The following MAPT variants were observed in gnomAD, a reference collection of about 807,000 sequenced individuals.
MAPT encodes the protein microtubule-associated protein tau.
A neutral mutation model predicts 67.9 loss-of-function variants in MAPT; 34 were observed. The observed-to-expected ratio is 0.50, with a 90% CI of 0.38 to 0.67. The LOEUF (loss-of-function observed/expected upper bound fraction) is 0.67, where lower values mean the gene tolerates loss of function less well. MAPT is among the 30% of genes least tolerant of loss of function. MAPT has a pLI of 0.00. For synonymous variants in MAPT, 456 were observed against 464.5 expected (o/e 0.98, Z 0.23); for missense variants, 881 against 1,115.2 (o/e 0.79, Z 2.99).
intron 9 of MAPT, among the ~76,000 whole-genome samples, chr17:45,998,169 T>C (rs62063855): frequency 0.15 from 22,054 of 152,076 alleles, 2,143 homozygotes; most frequent in Non-Finnish European, 0.22. Context: ...ATCACTTGGG[T>C]CTGAGCCTGG....
intron 9 of MAPT, among the ~76,000 whole-genome samples, chr17:45,998,994 A>G (rs1169167184): frequency 6.6e-6 from 1 of 152,082 alleles, no homozygotes; most frequent in Non-Finnish European, 1.5e-5. Context: ...CAAGTCACAT[A>G]ACAAGCAGCA....
chr17:46,011,558 G>A (rs1464352575), intron 10 of MAPT, among the ~76,000 whole-genome samples: 2 of 152,092 alleles, frequency 1.3e-5, no homozygotes, highest in African/African-American at 4.8e-5. Context: ...TCATCCCCTG[G>A]CCGGTCTATG....
intron 1 of MAPT, among the ~76,000 whole-genome samples, chr17:45,941,733 T>TCCTGCCTTCCTTCCTGCCTG (rs1568208436): frequency 1.7e-5 from 1 of 59,856 alleles, no homozygotes; most frequent in Non-Finnish European, 4.6e-5. Flanking sequence ...CTTCCTTCCT[T>TCCTGCCTTCCTTCCTGCCTG]CCTTCCTTCC....
intron 1 of MAPT, among the ~76,000 whole-genome samples, chr17:45,923,554 C>G (rs2065966628): frequency 6.6e-6 from 1 of 152,250 alleles, no homozygotes; most frequent in African/African-American, 2.4e-5. Context: ...CAGATTCTTT[C>G]ACGTTAATGT....
At chr17:45,983,988 G>A in intron 5 of MAPT, 58 bp downstream of exon 5, 1 of 1,426,490 alleles carries the variant, frequency 7.0e-7, no homozygotes, top group Non-Finnish European at 9.5e-7. Flanking sequence ...CTCCCAGGCT[G>A]CGGGCACTGC....
intron 1 of MAPT, among the ~76,000 whole-genome samples, chr17:45,912,847 T>G (rs1459030316): frequency 6.6e-6 from 1 of 152,232 alleles, no homozygotes; most frequent in Non-Finnish European, 1.5e-5. Flanking sequence ...AAGAGGCTTT[T>G]GAAATTTGCA....
chr17:45,926,907 G>A (rs951388141), intron 1 of MAPT, among the ~76,000 whole-genome samples: 3 of 149,084 alleles, frequency 2.0e-5, no homozygotes, highest in Non-Finnish European at 4.4e-5. Context: ...GTGTGTGTAT[G>A]TATGTGTGTA....
chr17:46,014,882 C>CAAAAAAAAAAAAAAAAAAAAAA (rs1254513618), intron 11 of MAPT, among the ~76,000 whole-genome samples: 1 of 127,500 alleles, frequency 7.8e-6, no homozygotes, highest in Non-Finnish European at 1.7e-5. Flanking sequence ...GACTCCGTCT[C>CAAAAAAAAAAAAAAAAAAAAAA]AAAAAAAAAA....
intron 1 of MAPT, among the ~76,000 whole-genome samples, chr17:45,900,731 C>G (rs1274301752): frequency 6.6e-6 from 1 of 152,198 alleles, no homozygotes; most frequent in Admixed American, 6.5e-5. Context: ...GAGGTAGGCT[C>G]TGATCGGGCC....
At chr17:45,936,605 C>T (rs555482431) in intron 1 of MAPT, among the ~76,000 whole-genome samples, 171 of 151,698 alleles carry the variant, frequency 1.1e-3, no homozygotes, top group Middle Eastern at 6.8e-3. Context: ...TTTTTTTGTT[C>T]GTTAATAATA....
intron 1 of MAPT, among the ~76,000 whole-genome samples, chr17:45,941,822 G>A (rs987767407): frequency 3.3e-5 from 5 of 151,200 alleles, no homozygotes; most frequent in Admixed American, 2.0e-4. Context: ...TCTTTCTGTT[G>A]GATAATGGAC....
At position 46,027,156 on chromosome 17, in the gene MAPT, G is replaced by C; in HGVS notation, c.*2985G>C. On this transcript the variant is annotated 3_prime_UTR_variant, in exon 13 of 13. Transcript: ENST00000262410. ...AACAGTTTCGGCTGCATTTCTTCAC[G>C]CACCTCGGTTCCTCTTCCTGAAGTT... 1 of 152,374 alleles carries C rather than the reference G, an allele frequency of 6.6e-6. No homozygotes were observed. The highest frequency in any genetic ancestry group is 6.5e-5 in the Admixed American group (1 of 15,296). The allele number at this position is 152,374 out of a possible 1,614,324, so 9.4% of individuals were successfully genotyped here. A position where few individuals can be genotyped will look rare whatever the true frequency, so the allele number is the denominator to read the frequency against.
intron 1 of MAPT, among the ~76,000 whole-genome samples, chr17:45,948,197 G>C (rs1197720929): frequency 6.6e-6 from 1 of 152,052 alleles, no homozygotes; most frequent in East Asian, 1.9e-4. Flanking sequence ...GTAGAGACAG[G>C]GTTTCTCAAT....
chr17:45,998,745 C>T (rs1436845357), intron 9 of MAPT, among the ~76,000 whole-genome samples: 1 of 152,134 alleles, frequency 6.6e-6, no homozygotes, highest in Non-Finnish European at 1.5e-5. Context: ...TCCTGCGCTT[C>T]CACTGGGGAC....
At chr17:46,002,816 T>C (rs2075116122) in intron 9 of MAPT, among the ~76,000 whole-genome samples, 1 of 152,180 alleles carries the variant, frequency 6.6e-6, no homozygotes, top group Non-Finnish European at 1.5e-5. Flanking sequence ...AGAGTCTTGC[T>C]GGGTTGCCCA....
chr17:45,937,930 A>AC (rs1228160665), intron 1 of MAPT, among the ~76,000 whole-genome samples: 5 of 151,416 alleles, frequency 3.3e-5, no homozygotes, highest in African/African-American at 1.2e-4. Flanking sequence ...GTGCTGCCAT[A>AC]CCCACCTTAC....
chr17:45,986,102 G>C (rs992574493), intron 5 of MAPT, among the ~76,000 whole-genome samples: 1 of 152,254 alleles, frequency 6.6e-6, no homozygotes, highest in Non-Finnish European at 1.5e-5. Flanking sequence ...CAAGGAGTGT[G>C]ATGAAGGCTG....
chr17:46,009,136 G>C (rs187009018), intron 9 of MAPT, among the ~76,000 whole-genome samples: 7 of 152,200 alleles, frequency 4.6e-5, no homozygotes, highest in Non-Finnish European at 1.0e-4. Flanking sequence ...GGAAGTCGAG[G>C]CTGCACTGAG....
At chr17:45,947,499 T>C (rs62062787) in intron 1 of MAPT, among the ~76,000 whole-genome samples, 21,762 of 151,248 alleles carry the variant, frequency 0.14, 2,129 homozygotes, top group Non-Finnish European at 0.22. Context: ...GCAATTCTCC[T>C]GCCTCAGCCT....
Sources: allele counts gnomAD v4.1 joint callset (sites outside exome capture counted in the v4.1 genomes callset), GRCh38; gene constraint gnomAD v4.1.1; transcripts MANE v1.5; gene names NCBI Gene and HGNC (gene_info 2026-07-23, HGNC 2026-07-21).